NR3C2: variants seen among roughly 807,000 people sequenced by gnomAD.
NR3C2 encodes the protein mineralocorticoid receptor.
In NR3C2, 15 loss-of-function variants were observed where a neutral mutation model predicts 86.4. The ratio of observed to expected loss-of-function variants is 0.17; its 90% CI spans 0.12 to 0.27. The LOEUF (loss-of-function observed/expected upper bound fraction) is 0.27. Among genes scored for constraint, NR3C2 ranks in the 10% least tolerant of loss-of-function variants. The probability of loss-of-function intolerance (pLI) is 1.00; values close to 1 mark genes in which losing one functional copy is unlikely to be tolerated. For synonymous variants in NR3C2, 458 were observed against 450.5 expected, an observed-to-expected ratio of 1.02 and a Z score of -0.21; for missense variants, 960 against 1,195.6, an observed-to-expected ratio of 0.80 and a Z score of 2.91.
chr4:148,283,560 T>C (rs1741355636), intron 2 of NR3C2, among the ~76,000 whole-genome samples: 1 of 152,210 alleles, frequency 6.6e-6, no homozygotes, highest in African/African-American at 2.4e-5. Context: ...ACAACAATCA[T>C]CTGAACCTGA....
At chr4:148,261,696 C>T (rs1428112044) in intron 2 of NR3C2, among the ~76,000 whole-genome samples, 1 of 152,130 alleles carries the variant, frequency 6.6e-6, no homozygotes, top group Non-Finnish European at 1.5e-5. Flanking sequence ...TATCACCTTG[C>T]TGTCAAAGCT....
At chr4:148,237,904 T>A (rs1738826021) in intron 3 of NR3C2, among the ~76,000 whole-genome samples, 1 of 152,134 alleles carries the variant, frequency 6.6e-6, no homozygotes, top group African/African-American at 2.4e-5. Context: ...AAATACTGGT[T>A]CTGACAGTTT....
intron 2 of NR3C2, among the ~76,000 whole-genome samples, chr4:148,389,713 T>C (rs1230928152): frequency 6.6e-6 from 1 of 152,194 alleles, no homozygotes; most frequent in Admixed American, 6.5e-5. Flanking sequence ...ATATATCTTA[T>C]ATCTTCTATA....
At chr4:148,282,097 T>G (rs1741275470) in intron 2 of NR3C2, among the ~76,000 whole-genome samples, 1 of 152,182 alleles carries the variant, frequency 6.6e-6, no homozygotes, top group Admixed American at 6.5e-5. Context: ...TGGTGTGATC[T>G]CGGATCACTA....
intron 2 of NR3C2, among the ~76,000 whole-genome samples, chr4:148,289,545 A>G (rs1322306817): frequency 6.6e-6 from 1 of 152,194 alleles, no homozygotes; most frequent in Non-Finnish European, 1.5e-5. Flanking sequence ...TTAAAATACC[A>G]AAATGACTGA....
intron 2 of NR3C2, among the ~76,000 whole-genome samples, chr4:148,421,777 T>G (rs1234764604): frequency 6.6e-6 from 1 of 152,194 alleles, no homozygotes. Context: ...TACTTCAGCA[T>G]TATGAAATCA....
chr4:148,173,575 A>T (rs1735234401), intron 4 of NR3C2, among the ~76,000 whole-genome samples: 1 of 152,260 alleles, frequency 6.6e-6, no homozygotes, highest in African/African-American at 2.4e-5. Context: ...GTCTGTTGAC[A>T]CATTGAGTTT....
At chr4:148,308,063 C>G (rs10519955) in intron 2 of NR3C2, among the ~76,000 whole-genome samples, 4,393 of 152,138 alleles carry the variant, frequency 0.029, 93 homozygotes, top group African/African-American at 0.059. Flanking sequence ...TACAATGCCT[C>G]TCTTTTTATC....
intron 3 of NR3C2, among the ~76,000 whole-genome samples, chr4:148,219,750 C>A: frequency 6.6e-6 from 1 of 152,080 alleles, no homozygotes; most frequent in East Asian, 1.9e-4. Context: ...AAAACAACGG[C>A]ATTTTCTCAT....
chr4:148,258,418 C>A (rs539281808), intron 3 of NR3C2, among the ~76,000 whole-genome samples: 1 of 152,294 alleles, frequency 6.6e-6, no homozygotes, highest in Admixed American at 6.5e-5. Flanking sequence ...TTCCTACTTT[C>A]TGAAAAATTG....
chr4:148,443,222 CAAAAAAAAAAAAAA>C (rs59506438), upstream of NR3C2, among the ~76,000 whole-genome samples: 104 of 41,008 alleles, frequency 2.5e-3, no homozygotes, highest in African/African-American at 8.0e-3. Flanking sequence ...CCCCTAACAC[CAAAAAAAAAAAAAA>C]AAAAAAAAAA....
At chr4:148,228,761 CTATT>C (rs1487409872) in intron 3 of NR3C2, among the ~76,000 whole-genome samples, 2 of 152,108 alleles carry the variant, frequency 1.3e-5, no homozygotes, top group African/African-American at 4.8e-5. Context: ...ATTTGAGTAT[CTATT>C]GTTTAAAGTG....
At chr4:148,113,530 C>T (rs1036613382) in intron 8 of NR3C2, among the ~76,000 whole-genome samples, 4 of 152,012 alleles carry the variant, frequency 2.6e-5, no homozygotes, top group African/African-American at 9.7e-5. Context: ...AAAAAAAATT[C>T]CTTAATCAGT....
chr4:148,217,617 A>G (rs1737609217), intron 3 of NR3C2, among the ~76,000 whole-genome samples: 1 of 152,132 alleles, frequency 6.6e-6, no homozygotes, highest in Admixed American at 6.5e-5. Flanking sequence ...TTGCTGACCT[A>G]TGCTGGTTTG....
At chr4:148,359,521 A>C (rs112754075) in intron 2 of NR3C2, among the ~76,000 whole-genome samples, 2,750 of 152,320 alleles carry the variant, frequency 0.018, 78 homozygotes, top group African/African-American at 0.064. Flanking sequence ...AGGGATAAAC[A>C]AATGAATATC....
intron 2 of NR3C2, among the ~76,000 whole-genome samples, chr4:148,424,194 G>A (rs1259679397): frequency 2.0e-5 from 3 of 152,214 alleles, no homozygotes; most frequent in Non-Finnish European, 4.4e-5. Context: ...ATGAGAAGAT[G>A]TTTGGTGTCT....
chr4:148,410,601 GT>G (rs1748647423), intron 2 of NR3C2, among the ~76,000 whole-genome samples: 1 of 152,052 alleles, frequency 6.6e-6, no homozygotes, highest in Non-Finnish European at 1.5e-5. Flanking sequence ...ATACAACCTG[GT>G]GTCTTGTGAC....
intron 2 of NR3C2, among the ~76,000 whole-genome samples, chr4:148,272,661 C>T (rs1740746993): frequency 6.6e-6 from 1 of 152,020 alleles, no homozygotes; most frequent in Admixed American, 6.6e-5. Context: ...TTAAGTATAC[C>T]AAAATAACTT....
At chr4:148,233,699 G>A (rs1425706642) in intron 3 of NR3C2, among the ~76,000 whole-genome samples, 1 of 152,096 alleles carries the variant, frequency 6.6e-6, no homozygotes, top group African/African-American at 2.4e-5. Flanking sequence ...GAAGAGAGAT[G>A]GAGGGAATGG....
Sources: gnomAD v4.1 joint callset for allele counts (sites outside exome capture counted in the v4.1 genomes callset) on GRCh38, gnomAD v4.1.1 for gene constraint, MANE v1.5 for transcripts, NCBI Gene and HGNC (gene_info 2026-07-23, HGNC 2026-07-21) for gene names.